Variants in GXYLT2 observed in about 807,000 individuals in gnomAD.
The protein encoded by GXYLT2 is glycosyltransferase 8 domain containing 4.
Under a neutral mutation model 45.8 loss-of-function variants are expected in GXYLT2, and 53 were observed. The ratio of observed to expected loss-of-function variants is 1.16; its 90% CI spans 0.93 to 1.46. The LOEUF is 1.46. GXYLT2 is among the 40% of genes most tolerant of loss of function. The pLI is 0.00. For synonymous variants in GXYLT2, 219 were observed against 214.2 expected (o/e 1.02, Z -0.19); for missense variants, 551 against 544.4 (o/e 1.01, Z -0.12).
At chr3:72,930,979 C>T (rs1345897044) in intron 3 of GXYLT2, among the ~76,000 whole-genome samples, 1 of 152,110 alleles carries the variant, frequency 6.6e-6, no homozygotes. Flanking sequence ...GCTGAACCAA[C>T]CGACTTCTTT....
At chr3:72,897,597 A>G (rs188114781) in intron 1 of GXYLT2, among the ~76,000 whole-genome samples, 4 of 152,328 alleles carry the variant, frequency 2.6e-5, no homozygotes, top group African/African-American at 9.6e-5. Context: ...TGTCCCCAAA[A>G]TAAAATTAAG....
chr3:72,935,720 G>A (rs1163511537), intron 3 of GXYLT2, among the ~76,000 whole-genome samples: 1 of 152,170 alleles, frequency 6.6e-6, no homozygotes, highest in Non-Finnish European at 1.5e-5. Flanking sequence ...AAAATTCACA[G>A]GCAACATTAT....
chr3:72,905,064 C>CAAAAAA (rs1177216917), intron 1 of GXYLT2, among the ~76,000 whole-genome samples: 12 of 36,240 alleles, frequency 3.3e-4, no homozygotes, highest in African/African-American at 7.7e-4. Context: ...GATTCTGTCT[C>CAAAAAA]AAAAAAAAAA....
chr3:72,905,095 A>G (rs575480241), intron 1 of GXYLT2, among the ~76,000 whole-genome samples: 17 of 148,852 alleles, frequency 1.1e-4, no homozygotes, highest in African/African-American at 4.1e-4. Context: ...AAAAGGAAAG[A>G]AAAGAAAAAG....
intron 3 of GXYLT2, among the ~76,000 whole-genome samples, chr3:72,953,499 A>G (rs1333629200): frequency 6.6e-6 from 1 of 152,106 alleles, no homozygotes; most frequent in East Asian, 1.9e-4. Flanking sequence ...CCATTTGCCC[A>G]GGCTGGTCTT....
At chr3:72,961,261 A>G (rs974337842) in intron 5 of GXYLT2, among the ~76,000 whole-genome samples, 1 of 152,176 alleles carries the variant, frequency 6.6e-6, no homozygotes, top group African/African-American at 2.4e-5. Flanking sequence ...GATAAATCTG[A>G]CAGGAACCAA....
intron 1 of GXYLT2, among the ~76,000 whole-genome samples, chr3:72,900,657 A>T (rs1201094339): frequency 1.3e-5 from 2 of 151,792 alleles, no homozygotes; most frequent in Admixed American, 6.6e-5. Flanking sequence ...ACCTCAGGTG[A>T]TCCACCCGCC....
chr3:72,925,195 C>T (rs1358742974), intron 3 of GXYLT2, among the ~76,000 whole-genome samples: 2 of 146,496 alleles, frequency 1.4e-5, no homozygotes, highest in African/African-American at 5.3e-5. Context: ...CTCACTCTGT[C>T]GCCCAGGCTG....
chr3:72,916,365 G>A (rs777969081), intron 2 of GXYLT2, among the ~76,000 whole-genome samples: 1 of 151,360 alleles, frequency 6.6e-6, no homozygotes, highest in Non-Finnish European at 1.5e-5. Context: ...TTTTGGGGGT[G>A]GGGGTAGAGA....
At chr3:72,911,555 T>G (rs1446498484) in intron 2 of GXYLT2, among the ~76,000 whole-genome samples, 1 of 152,088 alleles carries the variant, frequency 6.6e-6, no homozygotes, top group African/African-American at 2.4e-5. Context: ...CCAGCTACCA[T>G]GTCAGAGTAG....
intron 1 of GXYLT2, among the ~76,000 whole-genome samples, chr3:72,891,602 A>G (rs1373889272): frequency 1.3e-5 from 2 of 152,214 alleles, no homozygotes; most frequent in African/African-American, 2.4e-5. Context: ...GTCCCAGTGC[A>G]CAAAACAAAT....
chr3:72,955,046 G>C (rs1710608244), intron 3 of GXYLT2, 52 bp from the exon 4 acceptor site: 1 of 1,583,366 alleles, frequency 6.3e-7, no homozygotes, highest in South Asian at 1.1e-5. Context: ...ACCTGTTTTT[G>C]TTTTGTTTTC....
intron 3 of GXYLT2, among the ~76,000 whole-genome samples, chr3:72,943,768 C>T (rs1710344985): frequency 6.6e-6 from 1 of 152,072 alleles, no homozygotes; most frequent in African/African-American, 2.4e-5. Context: ...GCATTAAGGA[C>T]AGACACACTG....
intron 1 of GXYLT2, among the ~76,000 whole-genome samples, chr3:72,896,546 C>CA (rs1479052969): frequency 6.6e-6 from 1 of 151,626 alleles, no homozygotes; most frequent in Non-Finnish European, 1.5e-5. Flanking sequence ...TCCTGGTACT[C>CA]ATTAAAAGCT....
At chr3:72,928,476 G>T (rs6809752) in intron 3 of GXYLT2, among the ~76,000 whole-genome samples, 1 of 152,100 alleles carries the variant, frequency 6.6e-6, no homozygotes, top group Non-Finnish European at 1.5e-5. Flanking sequence ...ATCTCCTTGG[G>T]AGGCACAGGC....
Position 72,909,062 on chromosome 3 carries a change from C to CTTTTTTTTTT in GXYLT2, c.468+518_468+527dup, listed in dbSNP as rs71126804. Among the ~76,000 whole-genome samples the CTTTTTTTTTT allele has an allele frequency of 2.7e-4, 25 of 91,118 alleles. 2 individuals carry two copies. The highest frequency in any genetic ancestry group is 1.1e-3 in the African/African-American group (25 of 23,238). 59.8% of individuals were successfully genotyped at this position (91,118 alleles called of 152,430 possible). A position where few individuals can be genotyped will look rare whatever the true frequency, so the allele number is the denominator to read the frequency against. The stretch of plus-strand genomic sequence containing the variant: ...CTTTTCTTTCTTTCTTTCTTCCTTT[C>CTTTTTTTTTT]TTTTTTTTTTTTTTTTTTTTTTTTG... On this transcript the variant is annotated intron_variant, in intron 2 of 6. Transcript: ENST00000389617.
At chr3:72,921,209 A>G (rs1559735079) in intron 2 of GXYLT2, among the ~76,000 whole-genome samples, 1 of 151,956 alleles carries the variant, frequency 6.6e-6, no homozygotes, top group Non-Finnish European at 1.5e-5. Context: ...GTTTTTTTGC[A>G]CTTTGCTTTT....
chr3:72,952,713 G>A lies in GXYLT2; in HGVS notation c.601-2385G>A, dbSNP rs543656277. 1.6e-4 allele frequency among the ~76,000 whole-genome samples: 25 copies of A among 152,164 alleles called. No individual in the cohort carries two copies. In the East Asian group the frequency reaches 3.1e-3, roughly 19 times the overall value. ...CACCTTCTCCCTCTGTCCTCACATG[G>A]CAGAGAGAGAGAGAGCACTCTCTGG... On this transcript the variant is annotated intron_variant, in intron 3 of 6. Transcript: ENST00000389617.
chr3:72,894,924 GC>G (rs1055129102), intron 1 of GXYLT2, among the ~76,000 whole-genome samples: 4 of 152,148 alleles, frequency 2.6e-5, no homozygotes, highest in Non-Finnish European at 5.9e-5. Flanking sequence ...CCAGCCCATT[GC>G]CACTGGACTC....
Sources: allele counts gnomAD v4.1 joint callset (sites outside exome capture counted in the v4.1 genomes callset), GRCh38; gene constraint gnomAD v4.1.1; transcripts MANE v1.5; gene names NCBI Gene and HGNC (gene_info 2026-07-23, HGNC 2026-07-21).